The following PKHD1 variants were observed in gnomAD, a reference collection of about 807,000 sequenced individuals.
The protein encoded by PKHD1 is PKHD1 ciliary IPT domain containing fibrocystin/polyductin.
In PKHD1, 291 loss-of-function variants were observed where a neutral mutation model predicts 412.0. The observed-to-expected ratio is 0.71, with a 90% CI of 0.64 to 0.78. The LOEUF (loss-of-function observed/expected upper bound fraction) is 0.78. Ranked by LOEUF, PKHD1 falls within the 30% of genes least tolerant of loss-of-function variation. The pLI, the probability that PKHD1 is intolerant of heterozygous loss-of-function variation, is 0.00. For missense variants in PKHD1, 4,825 were observed against 4,950.7 expected, an observed-to-expected ratio of 0.97 and a Z score of 0.76; for synonymous variants, 1,777 against 1,821.5, an observed-to-expected ratio of 0.98 and a Z score of 0.62.
intron 26 of PKHD1, 86 bp from the exon 27 acceptor site, chr6:52,043,220 A>G: frequency 9.1e-7 from 1 of 1,098,128 alleles, no homozygotes; most frequent in Non-Finnish European, 1.3e-6. Context: ...CTATCATCAA[A>G]TGTTCCTTCT....
intron 5 of PKHD1, among the ~76,000 whole-genome samples, chr6:52,077,495 G>T (rs1179480822): frequency 6.6e-6 from 1 of 152,128 alleles, no homozygotes; most frequent in Admixed American, 6.5e-5. Flanking sequence ...AATTACAGCA[G>T]CAAATTGTTT....
intron 52 of PKHD1, among the ~76,000 whole-genome samples, chr6:51,829,426 A>G (rs1265418735): frequency 4.6e-5 from 7 of 152,130 alleles, no homozygotes; most frequent in Admixed American, 3.9e-4. Flanking sequence ...TGCTTCCTGC[A>G]TGGGGTGGGG....
At chr6:51,935,167 T>C (rs1011115190) in intron 36 of PKHD1, among the ~76,000 whole-genome samples, 1 of 152,226 alleles carries the variant, frequency 6.6e-6, no homozygotes, top group African/African-American at 2.4e-5. Context: ...ATTCCATTTT[T>C]AAAAGAAAAG....
At chr6:51,634,007 T>G (rs1449775416) in intron 64 of PKHD1, among the ~76,000 whole-genome samples, 1 of 152,062 alleles carries the variant, frequency 6.6e-6, no homozygotes, top group Non-Finnish European at 1.5e-5. Flanking sequence ...TCAAATGGTA[T>G]GCTTTAAATA....
rs1273555678 is a variant in PKHD1 at position 52,054,146 on chromosome 6, C to A, written c.1856G>T (p.Gly619Val). 1.9e-6 allele frequency: 3 copies of A among 1,613,906 alleles called. No individual in the cohort carries two copies. The highest frequency in any genetic ancestry group is 2.5e-6 in the Non-Finnish European group (3 of 1,179,802). ...QYTHLCLAYK[G>V]HMNKILKMIV... is the part of the protein sequence containing the mutation. The stretch of plus-strand genomic sequence containing the variant: ...CATCTTCAGGATCTTGTTCATGTGG[C>A]CTTTGTATGCAAGACACAGCTATGG... Residue 619 changes from glycine to valine, a missense_variant, in exon 20 of 67, where the codon GGC (glycine) becomes GTC (valine). By Grantham distance (109) the Gly-to-Val change is moderately radical. Transcript: ENST00000371117.
chr6:51,671,833 G>A (rs1263210234), intron 60 of PKHD1, among the ~76,000 whole-genome samples: 1 of 152,116 alleles, frequency 6.6e-6, no homozygotes, highest in Non-Finnish European at 1.5e-5. Context: ...TGCTCCTGCT[G>A]GGGGGTGCCT....
intron 29 of PKHD1, among the ~76,000 whole-genome samples, chr6:52,031,785 T>C (rs1052430437): frequency 2.6e-5 from 4 of 152,196 alleles, no homozygotes; most frequent in Non-Finnish European, 4.4e-5. Context: ...CTTCGTGGAT[T>C]TTATAACATG....
chr6:52,028,043 T>C lies in PKHD1; in HGVS notation c.3560+113A>G, dbSNP rs975055391. ...GTTCCAATGTTATGATGTTCATGTC[T>C]TTAACCTCTAACTTCCAAGGGAAAA... On this transcript the variant is annotated intron_variant, in intron 30 of 66. Transcript: ENST00000371117. 2.8e-5 allele frequency: 35 copies of C among 1,254,048 alleles called. No homozygotes were observed. The African/African-American group carries it at 4.1e-4, about 15-fold the overall frequency. 77.7% of individuals were successfully genotyped at this position (1,254,048 alleles called of 1,614,324 possible).
chr6:51,897,040 G>T (rs1194463254), intron 43 of PKHD1, among the ~76,000 whole-genome samples: 2 of 150,944 alleles, frequency 1.3e-5, no homozygotes, highest in Non-Finnish European at 3.0e-5. Flanking sequence ...CGTCTGATTG[G>T]TGTACCTGAA....
rs1479728870 is a variant in PKHD1 at position 52,056,888 on chromosome 6, A to G, written c.1602+2T>C. ...CCCTCATTTTTTGAAGAAGTCTCCC[A>G]CCAGATGGGCTGTGGCATTTGCAGG... On this transcript the variant is annotated splice_donor_variant, in intron 17 of 66. Transcript: ENST00000371117. LOFTEE classifies it high-confidence loss of function. The G allele has an allele frequency of 2.5e-6, 4 of 1,611,298 alleles. No homozygotes were observed. Among genetic ancestry groups the G allele is most frequent in the Non-Finnish European group, 3.4e-6 (4 of 1,177,540 alleles).
chr6:51,782,655 C>T (rs1792215293), intron 53 of PKHD1, among the ~76,000 whole-genome samples: 1 of 152,098 alleles, frequency 6.6e-6, no homozygotes, highest in South Asian at 2.1e-4. Context: ...TCTATGTACA[C>T]TTATATTATA....
chr6:51,671,923 A>G (rs963167332), intron 60 of PKHD1, among the ~76,000 whole-genome samples: 2 of 152,148 alleles, frequency 1.3e-5, no homozygotes, highest in South Asian at 2.1e-4. Flanking sequence ...CTCCAGCTGC[A>G]TGCTGGGAGA....
intron 60 of PKHD1, among the ~76,000 whole-genome samples, chr6:51,692,290 C>CA (rs1554196079): frequency 1.3e-5 from 2 of 148,160 alleles, no homozygotes; most frequent in African/African-American, 2.6e-5. Flanking sequence ...CACACACACA[C>CA]CACTGAGTTC....
At chr6:52,012,524 C>T (rs1799945798) in intron 34 of PKHD1, among the ~76,000 whole-genome samples, 1 of 152,168 alleles carries the variant, frequency 6.6e-6, no homozygotes, top group African/African-American at 2.4e-5. Flanking sequence ...GCTCCTGGAG[C>T]ATCAGTCGTA....
Position 52,064,974 on chromosome 6 carries a change from C to T in PKHD1, c.957G>A (p.Arg319=). The part of the protein sequence containing the change: ...CTTRAPGKDV[R]LTTPQPGNRG... Reference sequence around the variant, plus strand: ...CCTTACCTGGCTGAGGGGTGGTGAGCCTCACATCTTTTCCTGGAGCCCGAG... The same window carrying T: ...CCTTACCTGGCTGAGGGGTGGTGAGTCTCACATCTTTTCCTGGAGCCCGAG... The change falls in exon 13 of 67, where the codon AGG becomes AGA. Residue 319 remains arginine (R), a synonymous_variant. Coordinates refer to ENST00000371117, the MANE Select transcript of PKHD1 (RefSeq NM_138694.4). 6 of 1,601,082 alleles carry T rather than the reference C, an allele frequency of 3.7e-6. No individual in the cohort carries two copies. Among genetic ancestry groups the T allele is most frequent in the Non-Finnish European group, 5.1e-6 (6 of 1,173,748 alleles).
At chr6:51,898,692 C>CA (rs1185478176) in intron 43 of PKHD1, among the ~76,000 whole-genome samples, 1 of 131,142 alleles carries the variant, frequency 7.6e-6, no homozygotes, top group Non-Finnish European at 1.6e-5. Context: ...AATGGAGACA[C>CA]AAAAAACCCT....
intron 60 of PKHD1, among the ~76,000 whole-genome samples, chr6:51,730,154 T>A (rs549608342): frequency 6.6e-6 from 1 of 152,348 alleles, no homozygotes; most frequent in East Asian, 1.9e-4. Flanking sequence ...AGCCCTTTGC[T>A]AGATGAGTTG....
intron 52 of PKHD1, among the ~76,000 whole-genome samples, chr6:51,808,821 T>C (rs901838587): frequency 6.6e-6 from 1 of 152,162 alleles, no homozygotes; most frequent in African/African-American, 2.4e-5. Flanking sequence ...GTATGATGTT[T>C]CAATTTATTC....
rs771337119 is a variant in PKHD1, at chr6:51,632,734, GA to G, written c.11507-12del. The G allele has an allele frequency of 1.2e-5, 19 of 1,609,290 alleles. No homozygotes were observed. Among genetic ancestry groups the G allele is most frequent in the Non-Finnish European group, 1.5e-5 (18 of 1,176,310 alleles). ...CTGTAAAATTGACTCCTGTGGCGGG[GA>G]AAAGAAGATGTTTCAATGATATGTT... On this transcript the variant is annotated splice_polypyrimidine_tract_variant and intron_variant, in intron 64 of 66. Transcript: ENST00000371117.
Sources: gnomAD v4.1 joint callset for allele counts (sites outside exome capture counted in the v4.1 genomes callset) on GRCh38, gnomAD v4.1.1 for gene constraint, MANE v1.5 for transcripts, NCBI Gene and HGNC (gene_info 2026-07-23, HGNC 2026-07-21) for gene names.